Variants in SLC22A25 observed in about 807,000 individuals in gnomAD.
SLC22A25 encodes MGI:2442751, MGI:2385316, MGI:3042283, MGI:3645714, MGI:3605624, MGI:2442750.
A neutral mutation model predicts 45.9 loss-of-function variants in SLC22A25; 44 were observed. That is an observed-to-expected ratio of 0.96 (90% CI 0.75 to 1.23). The LOEUF is 1.23. Among genes scored for constraint, SLC22A25 ranks in the 50% most tolerant of loss-of-function variants. The probability of loss-of-function intolerance (pLI) is 0.00; values close to 1 mark genes in which losing one functional copy is unlikely to be tolerated. For missense variants in SLC22A25, 800 were observed against 666.4 expected (o/e 1.20, Z -2.21); for synonymous variants, 283 against 238.6 (o/e 1.19, Z -1.72).
chr11:63,183,933 T>C, intron 7 of SLC22A25, 116 bp from the exon 8 acceptor site: 4 of 1,412,406 alleles, frequency 2.8e-6, no homozygotes, highest in Non-Finnish European at 3.9e-6. Context: ...TGTTTGGTTA[T>C]ACCAGGAAAT....
rs142939508 is a variant in SLC22A25 at position 63,219,878 on chromosome 11, A to G, written c.507-2143T>C. ...TTGGAAATCAACCCTCTGACTCTCA[A>G]CTCTTTTAAGTGTTACTTTTACTGT... On this transcript the variant is annotated intron_variant, in intron 5 of 11. Coordinates refer to ENST00000306494, the MANE Select transcript of SLC22A25 (RefSeq NM_199352.6). 3.5e-4 allele frequency: 440 copies of G among 1,266,178 alleles called. 2 individuals are homozygous for G. The African/African-American group carries it at 5.9e-3, about 17-fold the overall frequency. The allele number at this position is 1,266,178 out of a possible 1,614,324, so 78.4% of individuals were successfully genotyped here.
rs373835178 is a variant in SLC22A25 at position 63,231,461 on chromosome 11, A to G, written c.-444-1365T>C. Among the ~76,000 whole-genome samples, 66 of 152,284 alleles carry G rather than the reference A, an allele frequency of 4.3e-4. 3 individuals are homozygous for G. Among genetic ancestry groups the G allele is most frequent in the East Asian group, 2.3e-3 (12 of 5,178 alleles). ...GCATAAATGTCTTCTTTTGAGAAGCATCTGTTCATATACTTTGCCCACTTT... is the reference window on the plus strand; with the variant it reads ...GCATAAATGTCTTCTTTTGAGAAGCGTCTGTTCATATACTTTGCCCACTTT... On this transcript the variant is annotated intron_variant, in intron 3 of 11. Coordinates refer to ENST00000306494, the MANE Select transcript of SLC22A25 (RefSeq NM_199352.6).
chr11:63,210,151 T>C (rs111790304), intron 7 of SLC22A25, among the ~76,000 whole-genome samples: 5,124 of 152,174 alleles, frequency 0.034, 118 homozygotes, highest in Non-Finnish European at 0.056. Flanking sequence ...CAAAATATGA[T>C]AAAAATGACC....
intron 9 of SLC22A25, among the ~76,000 whole-genome samples, chr11:63,168,420 A>G (rs190351892): frequency 1.3e-5 from 2 of 152,344 alleles, no homozygotes; most frequent in Admixed American, 1.3e-4. Flanking sequence ...AAGAACCTTA[A>G]TAGAAGGTTG....
In SLC22A25 at chr11:63,159,997, A is replaced by G. The variant is rs2087520744; in HGVS notation, c.*3827T>C. Among the ~76,000 whole-genome samples the G allele has an allele frequency of 6.6e-6, 1 of 152,204 alleles. No homozygotes were observed. Among genetic ancestry groups the G allele is most frequent in the Non-Finnish European group, 1.5e-5 (1 of 68,034 alleles). ...CTGTCAGAAGAAATTTTTAAGCAGC[A>G]AAGCATTCAAGATGTGACGGGTGCT... On this transcript the variant is annotated 3_prime_UTR_variant, in exon 12 of 12. Transcript: ENST00000306494.
chr11:63,183,944 A>G, intron 7 of SLC22A25, 127 bp from the exon 8 acceptor site: 1 of 1,307,052 alleles, frequency 7.7e-7, no homozygotes, highest in Non-Finnish European at 1.1e-6. Context: ...ACCAGGAAAT[A>G]AAAGCCTACA....
chr11:63,186,870 T>A (rs1165885662), intron 7 of SLC22A25, among the ~76,000 whole-genome samples: 6 of 152,164 alleles, frequency 3.9e-5, no homozygotes, highest in African/African-American at 1.4e-4. Context: ...TGTGGCATTA[T>A]TTCTGAGGGC....
At chr11:63,220,089 AATAT>A in intron 5 of SLC22A25, 17 of 1,060,786 alleles carry the variant, frequency 1.6e-5, no homozygotes, top group Non-Finnish European at 2.2e-5. Context: ...AGACTGTGAC[AATAT>A]TGTCCTTAGA....
At chr11:63,220,039 A>T in intron 5 of SLC22A25, 1 of 1,286,046 alleles carries the variant, frequency 7.8e-7, no homozygotes, top group Middle Eastern at 2.1e-4. Flanking sequence ...TTCAGAAGAC[A>T]TACGGTAAGT....
intron 3 of SLC22A25, among the ~76,000 whole-genome samples, chr11:63,233,754 C>G (rs1168537297): frequency 6.6e-6 from 1 of 152,162 alleles, no homozygotes; most frequent in East Asian, 1.9e-4. Flanking sequence ...ATCTTTCCTG[C>G]TTTCTCTTGT....
intron 9 of SLC22A25, among the ~76,000 whole-genome samples, chr11:63,172,230 CA>C (rs1479509895): frequency 6.6e-6 from 1 of 152,164 alleles, no homozygotes; most frequent in African/African-American, 2.4e-5. Flanking sequence ...GGGACATAGG[CA>C]CAGGCAAAGA....
At chr11:63,175,713 A>G (rs1190354524) in intron 9 of SLC22A25, among the ~76,000 whole-genome samples, 1 of 151,994 alleles carries the variant, frequency 6.6e-6, no homozygotes, top group Non-Finnish European at 1.5e-5. Flanking sequence ...GTTTTCTTCT[A>G]GGATTTTGAT....
At chr11:63,202,422 G>C (rs909907987) in intron 7 of SLC22A25, among the ~76,000 whole-genome samples, 2 of 152,198 alleles carry the variant, frequency 1.3e-5, no homozygotes, top group Non-Finnish European at 2.9e-5. Flanking sequence ...CTCACTGCCA[G>C]CACAGCAGGC....
chr11:63,181,749 T>C (rs373561572), intron 8 of SLC22A25, among the ~76,000 whole-genome samples: 38 of 152,188 alleles, frequency 2.5e-4, no homozygotes, highest in African/African-American at 8.7e-4. Flanking sequence ...ATTTATCAGG[T>C]TAGGCTCTGC....
chr11:63,201,984 C>T (rs1301175046), intron 7 of SLC22A25, among the ~76,000 whole-genome samples: 1 of 152,072 alleles, frequency 6.6e-6, no homozygotes, highest in Non-Finnish European at 1.5e-5. Flanking sequence ...GTGGGTGCAG[C>T]TCACAGAGGG....
At chr11:63,195,369 G>C (rs569941178) in intron 7 of SLC22A25, among the ~76,000 whole-genome samples, 1 of 152,160 alleles carries the variant, frequency 6.6e-6, no homozygotes, top group African/African-American at 2.4e-5. Context: ...GCTCTCCTCA[G>C]CAAATGTAAA....
intron 7 of SLC22A25, among the ~76,000 whole-genome samples, chr11:63,188,889 G>A (rs918270027): frequency 2.0e-5 from 3 of 152,148 alleles, no homozygotes. Context: ...GTTCTAGTTT[G>A]ATTGCACTGT....
intron 9 of SLC22A25, among the ~76,000 whole-genome samples, chr11:63,169,138 C>A (rs1335394966): frequency 6.6e-6 from 1 of 152,128 alleles, no homozygotes; most frequent in Non-Finnish European, 1.5e-5. Flanking sequence ...TTGTCACCAG[C>A]AGGCCTGCCT....
At chr11:63,194,458 C>A (rs764974841) in intron 7 of SLC22A25, among the ~76,000 whole-genome samples, 1 of 151,734 alleles carries the variant, frequency 6.6e-6, no homozygotes, top group African/African-American at 2.4e-5. Flanking sequence ...CATATGCAGC[C>A]AAACTAAGCT....
Sources: allele counts gnomAD v4.1 joint callset (sites outside exome capture counted in the v4.1 genomes callset), GRCh38; gene constraint gnomAD v4.1.1; transcripts MANE v1.5; gene names NCBI Gene and HGNC (gene_info 2026-07-23, HGNC 2026-07-21).